REXO4: variants seen among roughly 807,000 people sequenced by gnomAD.
REXO4 encodes REX4 homolog, 3'-5' exonuclease.
A neutral mutation model predicts 39.9 loss-of-function variants in REXO4; 29 were observed. The ratio of observed to expected loss-of-function variants is 0.73; its 90% CI spans 0.54 to 0.99. The LOEUF (loss-of-function observed/expected upper bound fraction) is 0.99, where lower values mean the gene tolerates loss of function less well. REXO4 is among the 50% of genes least tolerant of loss of function. The pLI is 0.00. For missense variants in REXO4, 524 were observed against 546.5 expected (o/e 0.96, Z 0.41); for synonymous variants, 184 against 206.2 (o/e 0.89, Z 0.92).
At chr9:133,415,619 G>T (rs1839543286) in intron 1 of REXO4, 1 of 152,672 alleles carries the variant, frequency 6.5e-6, no homozygotes, top group African/African-American at 2.4e-5. Context: ...CCCAGTGGGA[G>T]TGGGCGCCAC....
intron 5 of REXO4, among the ~76,000 whole-genome samples, chr9:133,409,488 A>G (rs1261555390): frequency 6.6e-6 from 1 of 152,242 alleles, no homozygotes; most frequent in Non-Finnish European, 1.5e-5. Context: ...TTGTATTTTG[A>G]GTTGGTTCTA....
chr9:133,415,341 C>G (rs1369723090), intron 1 of REXO4, among the ~76,000 whole-genome samples: 2 of 152,042 alleles, frequency 1.3e-5, no homozygotes, highest in Admixed American at 6.6e-5. Context: ...CCCTTTTCAG[C>G]TTATCTAGAA....
At chr9:133,408,562 G>C (rs996557800) in intron 6 of REXO4, among the ~76,000 whole-genome samples, 2 of 152,142 alleles carry the variant, frequency 1.3e-5, no homozygotes, top group South Asian at 2.1e-4. Flanking sequence ...TCAGAGGTTA[G>C]AGTGGAAATA....
intron 5 of REXO4, among the ~76,000 whole-genome samples, chr9:133,409,873 T>C (rs1180093380): frequency 6.6e-6 from 1 of 152,184 alleles, no homozygotes; most frequent in Non-Finnish European, 1.5e-5. Context: ...CTTAGCATCA[T>C]CTTCAAGAAA....
chr9:133,407,948 G>T, intron 6 of REXO4, 67 bp from the exon 7 acceptor site: 1 of 1,295,542 alleles, frequency 7.7e-7, no homozygotes, highest in Non-Finnish European at 1.1e-6. Flanking sequence ...ACCCCACCAA[G>T]CAGGGAGCGG....
rs1554781953 is a variant in REXO4, at chr9:133,417,668, A to G, written c.177T>C (p.Pro59=). 1.2e-6 allele frequency: 2 copies of G among 1,613,926 alleles called. No individual in the cohort carries two copies. The highest frequency in any genetic ancestry group is 1.7e-6 in the Non-Finnish European group (2 of 1,179,970). Residue 59 remains proline, a synonymous_variant, in exon 1 of 8, where the codon CCT becomes CCC. Transcript: ENST00000371942. ...GAGAAAAGTCTTCTGGTGCCTTTGG[A>G]GGTCGCACCACAGCACCGGGGCCGC... ...PASGPGAVVR[P]PKAPEDFSQN...
At chr9:133,411,831 C>A (rs1554780180) in intron 4 of REXO4, among the ~76,000 whole-genome samples, 2 of 151,962 alleles carry the variant, frequency 1.3e-5, no homozygotes, top group Non-Finnish European at 2.9e-5. Context: ...GAGGCTGAGG[C>A]AGGAGAATCG....
intron 5 of REXO4, 100 bp from the exon 6 acceptor site, chr9:133,408,942 G>T (rs78780686): frequency 3.1e-6 from 1 of 327,016 alleles, no homozygotes; most frequent in Non-Finnish European, 5.5e-6. Flanking sequence ...CTTTGTGTGT[G>T]TGTGTGTGTG....
In REXO4 at chr9:133,406,866, G is replaced by T; in HGVS notation, c.*87C>A. On this transcript the variant is annotated 3_prime_UTR_variant, in exon 8 of 8. Transcript: ENST00000371942. ...ATGATTCTGAAAAGGTTTCACCAGA[G>T]TTGCCACTCTGGGGAGATGTGATCT... 6.3e-7 allele frequency: 1 copy of T among 1,576,650 alleles called. No homozygotes were observed. The highest frequency in any genetic ancestry group is 8.6e-7 in the Non-Finnish European group (1 of 1,162,378).
chr9:133,417,871 G>A lies in REXO4; in HGVS notation c.-27C>T, dbSNP rs782162265. 7.5e-6 allele frequency: 12 copies of A among 1,591,980 alleles called. No homozygotes were observed. Among genetic ancestry groups the A allele is most frequent in the Non-Finnish European group, 1.0e-5 (12 of 1,176,358 alleles). Reference sequence around the variant, plus strand: ...CTGCTGCCGTCCAGCGCCTGGGCCGGCGGCCACCCGAGACCCCGGCCTCCC... The same window carrying A: ...CTGCTGCCGTCCAGCGCCTGGGCCGACGGCCACCCGAGACCCCGGCCTCCC... On this transcript the variant is annotated 5_prime_UTR_variant, in exon 1 of 8. Transcript: ENST00000371942.
Position 133,414,780 on chromosome 9 carries a change from C to A in REXO4, c.457G>T (p.Glu153Ter), listed in dbSNP as rs1554781161. 1 of 1,614,198 alleles carries A rather than the reference C, an allele frequency of 6.2e-7. No homozygotes were observed. The highest frequency in any genetic ancestry group is 1.1e-5 in the South Asian group (1 of 91,076). The change falls in exon 2 of 8, where the codon GAG becomes TAG. Residue 153 changes from glutamate (E) to a stop codon, truncating the protein, a stop_gained. Coordinates refer to ENST00000371942, the MANE Select transcript of REXO4 (RefSeq NM_020385.4). LOFTEE classifies it high-confidence loss of function. Reference protein sequence around the residue: ...PVPRTKASGTEHNKKGTKERT... With the variant: ...PVPRTKASGT ...TCCTTGGTTCCTTTCTTATTGTGCT[C>A]TGTTCCACTGGCCTTGGTGCGAGGT...
intron 2 of REXO4, 102 bp downstream of exon 2, chr9:133,414,563 G>A: frequency 1.0e-6 from 1 of 992,156 alleles, no homozygotes; most frequent in South Asian, 1.3e-5. Flanking sequence ...TCAGGGTAAA[G>A]TGATGGAGAG....
intron 6 of REXO4, among the ~76,000 whole-genome samples, chr9:133,408,512 A>G (rs1252734163): frequency 6.6e-6 from 1 of 151,908 alleles, no homozygotes; most frequent in Non-Finnish European, 1.5e-5. Context: ...TCTAGAGCAG[A>G]TACGACAGTG....
At chr9:133,412,528 C>T (rs782265611) in intron 3 of REXO4, 36 bp from the exon 4 acceptor site, 19 of 1,607,846 alleles carry the variant, frequency 1.2e-5, no homozygotes, top group Admixed American at 8.3e-5. Flanking sequence ...TTAATAAACA[C>T]GGCAGGCCAC....
In REXO4 at chr9:133,411,122, A is replaced by G. The variant is rs587745111; in HGVS notation, c.911-49T>C. On this transcript the variant is annotated intron_variant, in intron 4 of 7. Transcript: ENST00000371942. ...GGTTTTTTGCAACACACACATCACC[A>G]TCATTCTGTGAGGAGGCAGCCCCGC... The G allele has an allele frequency of 6.0e-6, 9 of 1,490,164 alleles. No individual in the cohort carries two copies. In the South Asian group the frequency reaches 6.8e-5, roughly 11 times the overall value. 92.3% of individuals were successfully genotyped at this position (1,490,164 alleles called of 1,614,324 possible). A position where few individuals can be genotyped will look rare whatever the true frequency, so the allele number is the denominator to read the frequency against.
rs782702752 is a variant in REXO4, at chr9:133,414,761, G to T, written c.476C>A (p.Thr159Asn). 2.3e-5 allele frequency: 37 copies of T among 1,614,042 alleles called. No individual in the cohort carries two copies. The highest frequency in any genetic ancestry group is 3.0e-5 in the Non-Finnish European group (35 of 1,180,046). ...ASGTEHNKKG[T>N]KERTNGDIVP... ...AATATCACCATTTGTCCTTTCCTTG[G>T]TTCCTTTCTTATTGTGCTCTGTTCC... Residue 159 changes from threonine (T) to asparagine (N), a missense_variant, in exon 2 of 8, where the codon ACC becomes AAC. Transcript: ENST00000371942.
At position 133,414,659 on chromosome 9, in the gene REXO4, A is replaced by G. The variant is rs782779185; in HGVS notation, c.572+6T>C. On this transcript the variant is annotated splice_donor_region_variant and intron_variant, in intron 2 of 7. Transcript: ENST00000371942. ...GGTTCTCAGTGGTGAGGTGGCCCAT[A>G]CTTACTCGGTGGGTGGGGCTGGGGC... 6.2e-7 allele frequency: 1 copy of G among 1,613,558 alleles called. No homozygotes were observed. The highest frequency in any genetic ancestry group is 1.7e-5 in the Admixed American group (1 of 60,008).
intron 7 of REXO4, among the ~76,000 whole-genome samples, chr9:133,407,564 T>G (rs1355741706): frequency 6.6e-6 from 1 of 152,156 alleles, no homozygotes; most frequent in Non-Finnish European, 1.5e-5. Context: ...GGCAACTTTT[T>G]CTCCAAATAA....
intron 7 of REXO4, among the ~76,000 whole-genome samples, chr9:133,407,572 T>C (rs587701998): frequency 6.6e-6 from 1 of 152,312 alleles, no homozygotes; most frequent in South Asian, 2.1e-4. Flanking sequence ...TTTCTCCAAA[T>C]AACGAGAATG....
Sources: allele counts gnomAD v4.1 joint callset (sites outside exome capture counted in the v4.1 genomes callset), GRCh38; gene constraint gnomAD v4.1.1; transcripts MANE v1.5; gene names NCBI Gene and HGNC (gene_info 2026-07-23, HGNC 2026-07-21).